MED1: variants seen among roughly 807,000 people sequenced by gnomAD.
MED1 encodes mediator of RNA polymerase II transcription subunit 1.
Under a neutral mutation model 121.3 loss-of-function variants are expected in MED1, and 17 were observed. The observed-to-expected ratio is 0.14, with a 90% confidence interval of 0.10 to 0.21. The LOEUF (loss-of-function observed/expected upper bound fraction) is 0.21, where lower values mean the gene tolerates loss of function less well. Among genes scored for constraint, MED1 ranks in the 10% least tolerant of loss-of-function variants. The probability of loss-of-function intolerance (pLI) is 1.00; values close to 1 mark genes in which losing one functional copy is unlikely to be tolerated. For missense variants in MED1, 1,558 were observed against 1,919.4 expected, an observed-to-expected ratio of 0.81 and a Z score of 3.52; for synonymous variants, 661 against 694.4, an observed-to-expected ratio of 0.95 and a Z score of 0.76.
At chr17:39,415,718 G>A (rs1178654272) in intron 14 of MED1, among the ~76,000 whole-genome samples, 1 of 150,398 alleles carries the variant, frequency 6.6e-6, no homozygotes, top group Non-Finnish European at 1.5e-5. Flanking sequence ...TCGGGAGGCT[G>A]AGGCAGGAGA....
Position 39,410,233 on chromosome 17 carries a change from CT to C in MED1, c.1987del (p.Ser663AlafsTer4). The C allele has an allele frequency of 6.2e-7, 1 of 1,613,892 alleles. No individual in the cohort carries two copies. Among genetic ancestry groups the C allele is most frequent in the Non-Finnish European group, 8.5e-7 (1 of 1,179,998 alleles). ...GGAGTTCTGCCTTTCTAAAGGGCTG[CT>C]TCCATAAAGGGTTGAGAAATCCTGG... ...PAQDFSTLYG[S>X]SPLERQNSSS... On this transcript the variant is annotated frameshift_variant, in exon 17 of 17. Transcript: ENST00000300651. LOFTEE classifies it high-confidence loss of function.
At position 39,407,513 on chromosome 17, in the gene MED1, C is replaced by A; in HGVS notation, c.4708G>T (p.Asp1570Tyr). Residue 1570 changes from aspartate (D) to tyrosine (Y), a missense_variant, in exon 17 of 17, where the codon GAT becomes TAT. By Grantham distance (160) the Asp-to-Tyr change is radical (BLOSUM62 -3). This residue lies in a region of MED1 where 264 missense variants were observed against 326.1 expected (regional missense o/e 0.81). Coordinates refer to ENST00000300651, the MANE Select transcript of MED1 (RefSeq NM_004774.4). ...LSPDFMIGEEDDDLMDVALIG... is the reference protein window; with the variant it reads ...LSPDFMIGEEYDDLMDVALIG... ...AGGGCCACATCCATAAGATCATCATCTTCCTCCCCAATCATAAAGTCTGGG... is the reference window on the plus strand; with the variant it reads ...AGGGCCACATCCATAAGATCATCATATTCCTCCCCAATCATAAAGTCTGGG... 1 of 1,612,708 alleles carries A rather than the reference C, an allele frequency of 6.2e-7. No homozygotes were observed. The highest frequency in any genetic ancestry group is 8.5e-7 in the Non-Finnish European group (1 of 1,179,280).
intron 6 of MED1, among the ~76,000 whole-genome samples, chr17:39,435,609 C>G (rs866964895): frequency 6.6e-6 from 1 of 152,064 alleles, no homozygotes; most frequent in Non-Finnish European, 1.5e-5. Flanking sequence ...CAAAAAGAAA[C>G]GAGTAGCAGC....
rs2048321089 is a variant in MED1 at position 39,408,129 on chromosome 17, C to T, written c.4092G>A (p.Lys1364=). 6.2e-7 allele frequency: 1 copy of T among 1,614,094 alleles called. No individual in the cohort carries two copies. Among genetic ancestry groups the T allele is most frequent in the Admixed American group, 1.7e-5 (1 of 60,014 alleles). The part of the protein sequence containing the change: ...KREKSDKDKS[K]VSTSGSSVDS... ...CCACTGAACTCCCGGAGGTGGAAACCTTTGATTTGTCTTTATCACTTTTCT... is the reference window on the plus strand; with the variant it reads ...CCACTGAACTCCCGGAGGTGGAAACTTTTGATTTGTCTTTATCACTTTTCT... The change falls in exon 17 of 17, where the codon AAG becomes AAA. Residue 1364 remains lysine (K), a synonymous_variant. Coordinates refer to ENST00000300651, the MANE Select transcript of MED1 (RefSeq NM_004774.4). This position sits in a 1 kb window ranked among gnomAD's most constrained non-coding sequence, Gnocchi z 4.7.
chr17:39,434,419 A>G, intron 6 of MED1, 99 bp from the exon 7 acceptor site: 1 of 580,992 alleles, frequency 1.7e-6, no homozygotes, highest in Non-Finnish European at 3.0e-6. Context: ...GCTATATAAA[A>G]CTGATTTTAA....
At chr17:39,411,047 A>C (rs1026284108) in intron 16 of MED1, among the ~76,000 whole-genome samples, 2 of 152,312 alleles carry the variant, frequency 1.3e-5, no homozygotes, top group East Asian at 1.9e-4. Context: ...GGGGCCGGGC[A>C]CAGTGGCTCA....
In MED1 at chr17:39,405,383, G is replaced by C; in HGVS notation, c.*2092C>G. ...GTATTTGTTGGCCCTGCATGGGGGAGCTGAGCCCATGATACTATTCAGTAC... is the reference window on the plus strand; with the variant it reads ...GTATTTGTTGGCCCTGCATGGGGGACCTGAGCCCATGATACTATTCAGTAC... On this transcript the variant is annotated 3_prime_UTR_variant, in exon 17 of 17. Transcript: ENST00000300651. 2 of 1,556,958 alleles carry C rather than the reference G, an allele frequency of 1.3e-6. No individual in the cohort carries two copies. Among genetic ancestry groups the C allele is most frequent in the Non-Finnish European group, 1.7e-6 (2 of 1,149,972 alleles).
chr17:39,419,147 T>C (rs1210887992), intron 14 of MED1, among the ~76,000 whole-genome samples: 2 of 151,992 alleles, frequency 1.3e-5, no homozygotes, highest in Non-Finnish European at 2.9e-5. Context: ...AGTGGTGCAA[T>C]CTGAGCTCAC....
rs1003747309 is a variant in MED1, at chr17:39,440,073, A to C, written c.399+313T>G. ...GAAAGAAAAGAAAGAAAAGAAAAAG[A>C]AAGCAAGCAAGCAAGCAAGAAAGAA... On this transcript the variant is annotated intron_variant, in intron 5 of 16. Coordinates refer to ENST00000300651, the MANE Select transcript of MED1 (RefSeq NM_004774.4). This position sits in a 1 kb window ranked among gnomAD's most constrained non-coding sequence, Gnocchi z 4.1. Among the ~76,000 whole-genome samples the C allele has an allele frequency of 6.6e-5, 10 of 151,594 alleles. No homozygotes were observed. Among genetic ancestry groups the C allele is most frequent in the South Asian group, 2.1e-4 (1 of 4,818 alleles).
At chr17:39,433,353 A>T (rs1410894870) in intron 7 of MED1, among the ~76,000 whole-genome samples, 8 of 150,962 alleles carry the variant, frequency 5.3e-5, no homozygotes, top group Non-Finnish European at 1.5e-5. Flanking sequence ...TGGGTGACAG[A>T]GCGACAATCC....
chr17:39,432,050 G>A (rs759205894), intron 7 of MED1, 34 bp from the exon 8 acceptor site: 63 of 1,519,126 alleles, frequency 4.1e-5, no homozygotes, highest in Middle Eastern at 1.8e-4. Context: ...TGAGTTAATA[G>A]TTGAAAAATA....
rs55829399 is a variant in MED1, at chr17:39,414,634, CTTTTTTTTTTTTTT to C, written c.1499+378_1499+391del. Among the ~76,000 whole-genome samples the C allele has an allele frequency of 7.4e-3, 457 of 61,560 alleles. 41 individuals carry two copies. The highest frequency in any genetic ancestry group is 0.023 in the African/African-American group (354 of 15,298). The allele number at this position is 61,560 out of a possible 152,430, so 40.4% of individuals were successfully genotyped here. The stretch of plus-strand genomic sequence containing the variant: ...ACAGGCGTGAGCCACCAGGCCCGGC[CTTTTTTTTTTTTTT>C]TTTTTTTTTTTTTTTTTTTTTTTTT... On this transcript the variant is annotated intron_variant, in intron 16 of 16. Coordinates refer to ENST00000300651, the MANE Select transcript of MED1 (RefSeq NM_004774.4).
chr17:39,410,212 T>C lies in MED1; in HGVS notation c.2009A>G (p.Asn670Ser). 1 of 1,613,832 alleles carries C rather than the reference T, an allele frequency of 6.2e-7. No individual in the cohort carries two copies. Among genetic ancestry groups the C allele is most frequent in the Non-Finnish European group, 8.5e-7 (1 of 1,179,956 alleles). ...CATGCGGGGTGAGCCGGAAGAGGAG[T>C]TCTGCCTTTCTAAAGGGCTGCTTCC... ...LYGSSPLERQNSSSGSPRMEI... is the reference protein window; with the variant it reads ...LYGSSPLERQSSSSGSPRMEI... Residue 670 changes from asparagine to serine, a missense_variant, in exon 17 of 17, where the codon AAC (asparagine) becomes AGC (serine). By Grantham distance (46) the Asn-to-Ser change is conservative. This residue lies in a region of MED1 where 793 missense variants were observed against 898.2 expected (regional missense o/e 0.88). Coordinates refer to ENST00000300651, the MANE Select transcript of MED1 (RefSeq NM_004774.4).
chr17:39,446,776 G>GAA (rs778959603), intron 2 of MED1, among the ~76,000 whole-genome samples: 13 of 120,042 alleles, frequency 1.1e-4, no homozygotes, highest in Non-Finnish European at 1.3e-4. Context: ...CCATCTCAAA[G>GAA]AAAAAAAAAA....
rs771858601 is a variant in MED1, at chr17:39,405,254, A to C, written c.*2221T>G. 1.2e-6 allele frequency: 2 copies of C among 1,600,536 alleles called. No homozygotes were observed. Among genetic ancestry groups the C allele is most frequent in the East Asian group, 4.5e-5 (2 of 44,708 alleles). On this transcript the variant is annotated 3_prime_UTR_variant, in exon 17 of 17. Transcript: ENST00000300651. The stretch of plus-strand genomic sequence containing the variant: ...GCTGGGTCAGTGTGGGGGTGAGCCC[A>C]TCGACAATTCAGGGGCTTATCCTTC...
intron 14 of MED1, among the ~76,000 whole-genome samples, chr17:39,417,824 AATC>A (rs1273162641): frequency 6.6e-6 from 1 of 151,826 alleles, no homozygotes; most frequent in Non-Finnish European, 1.5e-5. Context: ...TGTCTTTGAA[AATC>A]ATCAGCATTT....
intron 6 of MED1, among the ~76,000 whole-genome samples, chr17:39,437,238 T>C (rs1235298573): frequency 6.6e-6 from 1 of 152,146 alleles, no homozygotes; most frequent in Non-Finnish European, 1.5e-5. Context: ...GGCCTCACAT[T>C]CAGCAATTTT....
intron 2 of MED1, among the ~76,000 whole-genome samples, chr17:39,444,897 A>AC (rs1279293236): frequency 2.6e-5 from 4 of 152,122 alleles, no homozygotes; most frequent in African/African-American, 9.7e-5. Flanking sequence ...AAACAAACAA[A>AC]AAAAAACTTA....
In MED1 at chr17:39,431,201, T is replaced by C. The variant is rs200665488; in HGVS notation, c.576-13A>G. 2.5e-6 allele frequency: 4 copies of C among 1,596,858 alleles called. No homozygotes were observed. Among genetic ancestry groups the C allele is most frequent in the Non-Finnish European group, 3.4e-6 (4 of 1,164,510 alleles). ...ATTAGTTGCTTTCCTGTAAGACAAG[T>C]GATCTATGTTTGCTTATATTTAATC... On this transcript the variant is annotated splice_polypyrimidine_tract_variant and intron_variant, in intron 8 of 16. Transcript: ENST00000300651.
Sources: gnomAD v4.1 joint callset for allele counts (sites outside exome capture counted in the v4.1 genomes callset) on GRCh38, gnomAD v4.1.1 for gene constraint, gnomAD v4.1.1 regional missense constraint, Gnocchi (gnomAD v3.1) non-coding constraint, MANE v1.5 for transcripts, NCBI Gene and HGNC (gene_info 2026-07-23, HGNC 2026-07-21) for gene names.